Variants in TTC21B observed in about 807,000 individuals in gnomAD.
TTC21B encodes the protein tetratricopeptide repeat protein 21B.
TTC21B carries 127 observed loss-of-function variants against 175.1 expected under a neutral mutation model. The observed-to-expected ratio is 0.73, with a 90% CI of 0.63 to 0.84. The LOEUF (loss-of-function observed/expected upper bound fraction) is 0.84. TTC21B is among the 40% of genes least tolerant of loss of function. The probability of loss-of-function intolerance (pLI) is 0.00; values close to 1 mark genes in which losing one functional copy is unlikely to be tolerated. For synonymous variants in TTC21B, 524 were observed against 524.5 expected, an observed-to-expected ratio of 1.00 and a Z score of 0.01; for missense variants, 1,561 against 1,558.3, an observed-to-expected ratio of 1.00 and a Z score of -0.03.
rs149695849 is a variant in TTC21B at position 165,924,955 on chromosome 2, T to C, written c.1387-277A>G. Among the ~76,000 whole-genome samples the C allele has an allele frequency of 6.5e-5, 5 of 77,514 alleles. No individual in the cohort carries two copies. The South Asian group carries it at 2.2e-3, about 35-fold the overall frequency. 50.9% of individuals were successfully genotyped at this position (77,514 alleles called of 152,430 possible). A position where few individuals can be genotyped will look rare whatever the true frequency, so the allele number is the denominator to read the frequency against. On this transcript the variant is annotated intron_variant, in intron 11 of 28. Coordinates refer to ENST00000243344, the MANE Select transcript of TTC21B (RefSeq NM_024753.5). ...AAATGGATAACATATCAAGTGGGTA[T>C]TATCTATTCAAAAGTTTTATCAGAG...
Position 165,882,664 on chromosome 2 carries a change from C to T in TTC21B, c.3684+1130G>A, listed in dbSNP as rs150060257. Among the ~76,000 whole-genome samples the T allele has an allele frequency of 1.6e-4, 24 of 152,204 alleles. No individual in the cohort carries two copies. In the East Asian group the frequency reaches 4.4e-3, roughly 28 times the overall value. On this transcript the variant is annotated intron_variant, in intron 26 of 28. Transcript: ENST00000243344. ...TTTTTAAATTATGTAATTCAAGTTTCCTAAGCTTTAGTTCTTAAATATCAT... is the reference window on the plus strand; with the variant it reads ...TTTTTAAATTATGTAATTCAAGTTTTCTAAGCTTTAGTTCTTAAATATCAT...
At chr2:165,877,390 T>G (rs1352544929) in intron 27 of TTC21B, among the ~76,000 whole-genome samples, 1 of 152,210 alleles carries the variant, frequency 6.6e-6, no homozygotes, top group Non-Finnish European at 1.5e-5. Flanking sequence ...ATGATGATGT[T>G]TCATTAACAA....
At chr2:165,909,993 A>G (rs1685876018) in intron 18 of TTC21B, among the ~76,000 whole-genome samples, 1 of 152,220 alleles carries the variant, frequency 6.6e-6, no homozygotes, top group Non-Finnish European at 1.5e-5. Flanking sequence ...ACTGAATATC[A>G]TGATATACAA....
At chr2:165,936,240 G>A (rs1687136934) in intron 6 of TTC21B, among the ~76,000 whole-genome samples, 1 of 151,990 alleles carries the variant, frequency 6.6e-6, no homozygotes, top group South Asian at 2.1e-4. Context: ...AAATGGCACT[G>A]GAAAAACTGG....
rs1408418485 is a variant in TTC21B, at chr2:165,917,282, T to A, written c.1874A>T (p.Asp625Val). The A allele has an allele frequency of 2.5e-6, 4 of 1,614,204 alleles. No individual in the cohort carries two copies. The highest frequency in any genetic ancestry group is 3.4e-6 in the Non-Finnish European group (4 of 1,180,026). The change falls in exon 14 of 29, where the codon GAC becomes GTC. Residue 625 changes from aspartate to valine, a missense_variant. By Grantham distance (152) the Asp-to-Val change is radical (BLOSUM62 -3). Coordinates refer to ENST00000243344, the MANE Select transcript of TTC21B (RefSeq NM_024753.5). The stretch of plus-strand genomic sequence containing the variant: ...CTGCTCTCCATTTAAGCGGTGAACG[T>A]CTATCAATTCAAGAAAGATCGATAA... Reference protein sequence around the residue: ...HRLSIFLELIDVHRLNGEQHE... With the variant: ...HRLSIFLELIVVHRLNGEQHE...
chr2:165,945,564 T>C lies in TTC21B; in HGVS notation c.389A>G (p.Tyr130Cys), dbSNP rs1308267509. The C allele has an allele frequency of 1.2e-6, 2 of 1,613,784 alleles. No individual in the cohort carries two copies. The highest frequency in any genetic ancestry group is 8.5e-7 in the Non-Finnish European group (1 of 1,179,922). Residue 130 changes from tyrosine (Y) to cysteine (C), a missense_variant, in exon 4 of 29, where the codon TAT becomes TGT. Physicochemically the swap from Tyr to Cys is radical, Grantham distance 194 (BLOSUM62 -2). Transcript: ENST00000243344. ...TGATATTTTGATCATTCTGTCAATA[T>C]ATTCCCTTGCTTTATCATGGCGACC... The part of the protein sequence containing the change: ...HIGRHDKARE[Y>C]IDRMIKISDG...
intron 6 of TTC21B, among the ~76,000 whole-genome samples, chr2:165,939,237 G>A (rs1290536585): frequency 6.6e-6 from 1 of 152,094 alleles, no homozygotes; most frequent in Non-Finnish European, 1.5e-5. Flanking sequence ...TAGCAAAGAT[G>A]TTACCAAGAT....
Position 165,927,314 on chromosome 2 carries a change from T to A in TTC21B, c.1386+1821A>T, listed in dbSNP as rs376716679. 1.1e-3 allele frequency among the ~76,000 whole-genome samples: 56 copies of A among 51,000 alleles called. 2 individuals carry two copies. Among genetic ancestry groups the A allele is most frequent in the African/African-American group, 1.4e-3 (27 of 19,502 alleles). 33.5% of individuals were successfully genotyped at this position (51,000 alleles called of 152,430 possible). A position where few individuals can be genotyped will look rare whatever the true frequency, so the allele number is the denominator to read the frequency against. On this transcript the variant is annotated intron_variant, in intron 11 of 28. Coordinates refer to ENST00000243344, the MANE Select transcript of TTC21B (RefSeq NM_024753.5). ...AGTAGTTATATATATATATTATATATTATATAATATATATATAATATATAA... is the reference window on the plus strand; with the variant it reads ...AGTAGTTATATATATATATTATATAATATATAATATATATATAATATATAA...
At chr2:165,892,515 AATATTGT>A (rs1312791729) in intron 22 of TTC21B, among the ~76,000 whole-genome samples, 6 of 152,186 alleles carry the variant, frequency 3.9e-5, no homozygotes, top group Non-Finnish European at 8.8e-5. Context: ...CATATAAAGG[AATATTGT>A]ATATTGTATG....
Position 165,937,001 on chromosome 2 carries a change from G to A in TTC21B, c.711-3944C>T, listed in dbSNP as rs536923521. Among the ~76,000 whole-genome samples, 21 of 152,110 alleles carry A rather than the reference G, an allele frequency of 1.4e-4. 1 individual carries two copies. The highest frequency in any genetic ancestry group is 1.2e-3 in the South Asian group (6 of 4,824). On this transcript the variant is annotated intron_variant, in intron 6 of 28. Transcript: ENST00000243344. ...ATGTCCATACAAAAACCTGCACAAG[G>A]TTATAGTAGCTTTATTCATAAATGC...
rs778269844 is a variant in TTC21B, at chr2:165,901,747, A to G, written c.2732T>C (p.Leu911Pro). The G allele has an allele frequency of 1.2e-6, 2 of 1,614,060 alleles. No homozygotes were observed. The highest frequency in any genetic ancestry group is 1.3e-5 in the African/African-American group (1 of 74,958). Residue 911 changes from leucine to proline, a missense_variant, in exon 20 of 29, where the codon CTG becomes CCG. Coordinates refer to ENST00000243344, the MANE Select transcript of TTC21B (RefSeq NM_024753.5). The part of the protein sequence containing the change: ...EKAIKFYREA[L>P]VHCETDNKIM... ...CTTATTATCTGTTTCGCAGTGAACCAGAGCCTCTCTATAAAACTTAATTGC... is the reference window on the plus strand; with the variant it reads ...CTTATTATCTGTTTCGCAGTGAACCGGAGCCTCTCTATAAAACTTAATTGC...
At chr2:165,913,490 TA>T in intron 16 of TTC21B, 83 bp downstream of exon 16, 1 of 896,482 alleles carries the variant, frequency 1.1e-6, no homozygotes, top group Non-Finnish European at 1.8e-6. Flanking sequence ...AACATTATTT[TA>T]AAAAACATTC....
intron 11 of TTC21B, among the ~76,000 whole-genome samples, chr2:165,925,577 A>G (rs1686597176): frequency 1.3e-5 from 2 of 152,194 alleles, no homozygotes; most frequent in Admixed American, 6.5e-5. Flanking sequence ...CCAACAAGAA[A>G]GTGCTACAAC....
chr2:165,920,524 A>C (rs1014908202), intron 12 of TTC21B, among the ~76,000 whole-genome samples: 2 of 152,196 alleles, frequency 1.3e-5, no homozygotes, highest in African/African-American at 4.8e-5. Flanking sequence ...ACAGGTACAA[A>C]AAGGAAGAGT....
At chr2:165,941,314 T>C in intron 5 of TTC21B, 130 bp from the exon 6 acceptor site, 1 of 1,019,658 alleles carries the variant, frequency 9.8e-7, no homozygotes, top group Non-Finnish European at 1.5e-6. Context: ...ACTTTTTAAG[T>C]TTTTGTCAAA....
intron 22 of TTC21B, among the ~76,000 whole-genome samples, chr2:165,891,664 C>G (rs79119084): frequency 0.13 from 20,103 of 151,964 alleles, 1,637 homozygotes; most frequent in East Asian, 0.31. Flanking sequence ...AGAAAGCCTT[C>G]TTCCAATTCT....
intron 8 of TTC21B, among the ~76,000 whole-genome samples, chr2:165,931,539 A>C (rs924681363): frequency 1.3e-5 from 2 of 152,176 alleles, no homozygotes; most frequent in Non-Finnish European, 2.9e-5. Context: ...CGCTATGCTT[A>C]AAAGATCAGT....
At chr2:165,945,903 T>A (rs771286416) in intron 3 of TTC21B, among the ~76,000 whole-genome samples, 3 of 152,192 alleles carry the variant, frequency 2.0e-5, no homozygotes, top group Non-Finnish European at 2.9e-5. Flanking sequence ...AATGTTTTAT[T>A]TAGCCCAATA....
At chr2:165,929,613 G>T (rs1252009700) in intron 10 of TTC21B, 37 bp downstream of exon 10, 3 of 1,390,282 alleles carry the variant, frequency 2.2e-6, no homozygotes, top group Non-Finnish European at 2.0e-6. Flanking sequence ...TTTATAAACA[G>T]CTAGCATCTA....
Sources: gnomAD v4.1 joint callset for allele counts (sites outside exome capture counted in the v4.1 genomes callset) on GRCh38, gnomAD v4.1.1 for gene constraint, MANE v1.5 for transcripts, NCBI Gene and HGNC (gene_info 2026-07-23, HGNC 2026-07-21) for gene names.